The following MMP16 variants were observed in gnomAD, a reference collection of about 807,000 sequenced individuals.
MMP16 encodes the protein matrix metallopeptidase 16.
Under a neutral mutation model 67.8 loss-of-function variants are expected in MMP16, and 12 were observed. That is an observed-to-expected ratio of 0.18 (90% CI 0.11 to 0.29). The LOEUF is 0.29. Among genes scored for constraint, MMP16 ranks in the 10% least tolerant of loss-of-function variants. The probability of loss-of-function intolerance (pLI) is 1.00; values close to 1 mark genes in which losing one functional copy is unlikely to be tolerated. For synonymous variants in MMP16, 249 were observed against 255.9 expected, an observed-to-expected ratio of 0.97 and a Z score of 0.26; for missense variants, 475 against 765.7, an observed-to-expected ratio of 0.62 and a Z score of 4.48.
chr8:88,042,822 G>A (rs770266264), intron 9 of MMP16, among the ~76,000 whole-genome samples: 2 of 151,934 alleles, frequency 1.3e-5, no homozygotes, highest in Non-Finnish European at 2.9e-5. Flanking sequence ...TGTTTTTGTT[G>A]GGCACATATC....
At chr8:88,079,665 T>C (rs1437031551) in intron 6 of MMP16, among the ~76,000 whole-genome samples, 1 of 152,208 alleles carries the variant, frequency 6.6e-6, no homozygotes, top group Non-Finnish European at 1.5e-5. Flanking sequence ...TGAATGTTTG[T>C]GTCCCTTCAA....
chr8:88,137,124 G>T (rs1178524873), intron 4 of MMP16, among the ~76,000 whole-genome samples: 1 of 151,886 alleles, frequency 6.6e-6, no homozygotes, highest in Non-Finnish European at 1.5e-5. Flanking sequence ...TTTTCCAGAT[G>T]AGTAATGATG....
intron 1 of MMP16, among the ~76,000 whole-genome samples, chr8:88,283,281 T>C (rs1328087809): frequency 6.6e-6 from 1 of 152,214 alleles, no homozygotes; most frequent in Non-Finnish European, 1.5e-5. Flanking sequence ...TTTCTTGTTT[T>C]CCTTTTATAT....
intron 1 of MMP16, among the ~76,000 whole-genome samples, chr8:88,207,444 T>G (rs910458662): frequency 1.3e-5 from 2 of 152,176 alleles, no homozygotes; most frequent in Non-Finnish European, 2.9e-5. Flanking sequence ...CAGTAAAAAG[T>G]GATCTCTTGC....
chr8:88,251,119 A>G (rs1248363168), intron 1 of MMP16, among the ~76,000 whole-genome samples: 1 of 151,932 alleles, frequency 6.6e-6, no homozygotes, highest in Non-Finnish European at 1.5e-5. Flanking sequence ...ATCATTTTTT[A>G]TGGCTGCATA....
intron 1 of MMP16, among the ~76,000 whole-genome samples, chr8:88,259,947 T>C (rs896099278): frequency 2.0e-5 from 3 of 152,160 alleles, no homozygotes; most frequent in African/African-American, 7.2e-5. Flanking sequence ...GGTAGCTTAA[T>C]TGTTGCTTCC....
At chr8:88,052,009 T>C (rs1054164252) in intron 8 of MMP16, among the ~76,000 whole-genome samples, 1 of 152,212 alleles carries the variant, frequency 6.6e-6, no homozygotes, top group Non-Finnish European at 1.5e-5. Context: ...ATTTACAGAT[T>C]TATTTAAAGA....
intron 4 of MMP16, among the ~76,000 whole-genome samples, chr8:88,146,574 A>G (rs1239056658): frequency 2.0e-5 from 3 of 151,924 alleles, no homozygotes; most frequent in Non-Finnish European, 2.9e-5. Flanking sequence ...GTTGTTTGTA[A>G]AATTCATCTA....
chr8:88,317,503 T>C (rs1459842749), intron 1 of MMP16, among the ~76,000 whole-genome samples: 3 of 152,194 alleles, frequency 2.0e-5, no homozygotes, highest in African/African-American at 7.2e-5. Context: ...AGTGTAAATA[T>C]AACTTTTATA....
chr8:88,077,747 T>C (rs1808674902), intron 6 of MMP16, among the ~76,000 whole-genome samples: 1 of 152,198 alleles, frequency 6.6e-6, no homozygotes, highest in Admixed American at 6.5e-5. Context: ...TCTCAGTTTT[T>C]TTCCCTGTTG....
chr8:88,123,681 G>C (rs552444267), intron 4 of MMP16, among the ~76,000 whole-genome samples: 1 of 151,942 alleles, frequency 6.6e-6, no homozygotes, highest in African/African-American at 2.4e-5. Flanking sequence ...GCTCTCAGAG[G>C]CTATGGAACT....
intron 4 of MMP16, among the ~76,000 whole-genome samples, chr8:88,157,088 AG>A (rs1388665313): frequency 1.3e-5 from 2 of 152,138 alleles, no homozygotes; most frequent in African/African-American, 4.8e-5. Flanking sequence ...TAGTGCAAAC[AG>A]GGCAGAAATG....
intron 1 of MMP16, among the ~76,000 whole-genome samples, chr8:88,315,602 C>A (rs996203909): frequency 2.0e-5 from 3 of 152,132 alleles, no homozygotes; most frequent in Admixed American, 1.3e-4. Context: ...AACTTAGTAA[C>A]TAAATGTGTG....
At chr8:88,301,947 T>C (rs1300450471) in intron 1 of MMP16, among the ~76,000 whole-genome samples, 1 of 152,232 alleles carries the variant, frequency 6.6e-6, no homozygotes, top group Non-Finnish European at 1.5e-5. Context: ...AAATAACATT[T>C]ATCAGTCACA....
intron 6 of MMP16, among the ~76,000 whole-genome samples, chr8:88,093,618 T>C (rs1267310663): frequency 1.3e-5 from 2 of 151,894 alleles, no homozygotes; most frequent in Non-Finnish European, 2.9e-5. Flanking sequence ...ATTTTAGCTG[T>C]TCTTTGTACT....
intron 1 of MMP16, among the ~76,000 whole-genome samples, chr8:88,282,867 G>A (rs1810763362): frequency 6.6e-6 from 1 of 152,050 alleles, no homozygotes; most frequent in Non-Finnish European, 1.5e-5. Context: ...AACAACATGT[G>A]TTTCACTTGG....
intron 1 of MMP16, among the ~76,000 whole-genome samples, chr8:88,293,191 A>G (rs1810953361): frequency 6.6e-6 from 1 of 152,198 alleles, no homozygotes; most frequent in Non-Finnish European, 1.5e-5. Context: ...TGAAACTCCT[A>G]ACACTAAATA....
chr8:88,038,733 G>C lies in MMP16; in HGVS notation c.*2728C>G, dbSNP rs973901215. On this transcript the variant is annotated 3_prime_UTR_variant, in exon 10 of 10. Transcript: ENST00000286614. This position sits in a 1 kb window ranked among gnomAD's most constrained non-coding sequence, Gnocchi z 4.1. ...ATAGTCCTCCATGCTTAGCAGCAGTGACTAACTCTTTATAATATCAGCATC... is the reference window on the plus strand; with the variant it reads ...ATAGTCCTCCATGCTTAGCAGCAGTCACTAACTCTTTATAATATCAGCATC... 1 of 152,526 alleles carries C rather than the reference G, an allele frequency of 6.6e-6. No homozygotes were observed. The highest frequency in any genetic ancestry group is 1.5e-5 in the Non-Finnish European group (1 of 67,996). 9.4% of individuals were successfully genotyped at this position (152,526 alleles called of 1,614,324 possible). A position where few individuals can be genotyped will look rare whatever the true frequency, so the allele number is the denominator to read the frequency against.
At chr8:88,194,147 AG>A (rs1404712534) in intron 2 of MMP16, among the ~76,000 whole-genome samples, 2 of 152,040 alleles carry the variant, frequency 1.3e-5, no homozygotes, top group Non-Finnish European at 2.9e-5. Context: ...AACATAATAT[AG>A]GGATTACTGC....
Sources: gnomAD v4.1 joint callset for allele counts (sites outside exome capture counted in the v4.1 genomes callset) on GRCh38, gnomAD v4.1.1 for gene constraint, Gnocchi (gnomAD v3.1) non-coding constraint, MANE v1.5 for transcripts, NCBI Gene and HGNC (gene_info 2026-07-23, HGNC 2026-07-21) for gene names.